The following RTKN2 variants were observed in gnomAD, a reference collection of about 807,000 sequenced individuals.
The protein encoded by RTKN2 is rhotekin 2, also known as rhotekin-2.
RTKN2 carries 69 observed loss-of-function variants against 71.5 expected under a neutral mutation model. The ratio of observed to expected loss-of-function variants is 0.96; its 90% CI spans 0.79 to 1.18. The LOEUF (loss-of-function observed/expected upper bound fraction) is 1.18, where lower values mean the gene tolerates loss of function less well. Ranked by LOEUF, RTKN2 falls within the 50% of genes most tolerant of loss-of-function variation. The pLI is 0.00. For synonymous variants in RTKN2, 236 were observed against 236.5 expected (o/e 1.00, Z 0.02); for missense variants, 724 against 719.7 (o/e 1.01, Z -0.07).
chr10:62,259,896 T>C (rs543582720), intron 2 of RTKN2, among the ~76,000 whole-genome samples: 2 of 152,296 alleles, frequency 1.3e-5, no homozygotes, highest in South Asian at 4.2e-4. Context: ...CCTGCTCACC[T>C]ACCTGGACTC....
At position 62,193,611 on chromosome 10, in the gene RTKN2, A is replaced by C; in HGVS notation, c.*4297T>G. 1 of 985,288 alleles carries C rather than the reference A, an allele frequency of 1.0e-6. No homozygotes were observed. 61.0% of individuals were successfully genotyped at this position (985,288 alleles called of 1,614,324 possible). ...TAATCCAACTGAGCCAGGATTGCTC[A>C]TTTCTCTCCCCCACTCTGAGGCGCT... On this transcript the variant is annotated 3_prime_UTR_variant, in exon 12 of 12. Coordinates refer to ENST00000373789, the MANE Select transcript of RTKN2 (RefSeq NM_145307.4).
chr10:62,189,058 CT>C (rs34303718), downstream of RTKN2, among the ~76,000 whole-genome samples: 11,286 of 135,546 alleles, frequency 0.083, 546 homozygotes, highest in South Asian at 0.26. Flanking sequence ...ATATTTCCTA[CT>C]TTTTTTTTTT....
chr10:62,228,429 C>T (rs1842076542), intron 6 of RTKN2, among the ~76,000 whole-genome samples: 1 of 152,092 alleles, frequency 6.6e-6, no homozygotes, highest in South Asian at 2.1e-4. Flanking sequence ...CACTGTTGAC[C>T]TTGACGAGAC....
chr10:62,227,034 C>T (rs1457617560), intron 6 of RTKN2, among the ~76,000 whole-genome samples: 1 of 152,102 alleles, frequency 6.6e-6, no homozygotes, highest in Non-Finnish European at 1.5e-5. Flanking sequence ...GGGAAGTAGA[C>T]TCACTGTGAG....
chr10:62,212,119 T>C (rs895028769), intron 9 of RTKN2, among the ~76,000 whole-genome samples: 16 of 150,230 alleles, frequency 1.1e-4, no homozygotes, highest in African/African-American at 3.9e-4. Context: ...AAAAAATATA[T>C]ATATATGGGG....
chr10:62,235,375 T>G (rs1328729407), intron 6 of RTKN2, among the ~76,000 whole-genome samples: 1 of 152,160 alleles, frequency 6.6e-6, no homozygotes, highest in Non-Finnish European at 1.5e-5. Context: ...ATGACATACA[T>G]ACAGCAATTT....
At chr10:62,244,890 T>C (rs1842448582) in intron 3 of RTKN2, among the ~76,000 whole-genome samples, 1 of 152,194 alleles carries the variant, frequency 6.6e-6, no homozygotes, top group Non-Finnish European at 1.5e-5. Context: ...TCTACCGTCC[T>C]GTGTGATAAT....
In RTKN2 at chr10:62,193,191, G is replaced by C; in HGVS notation, c.*4717C>G. 2.4e-6 allele frequency: 2 copies of C among 842,486 alleles called. No homozygotes were observed. Among genetic ancestry groups the C allele is most frequent in the Non-Finnish European group, 2.9e-6 (2 of 699,876 alleles). 52.2% of individuals were successfully genotyped at this position (842,486 alleles called of 1,614,324 possible). Reference sequence around the variant, plus strand: ...ATATTTTTAAGCAAGACACCAAAAAGTATTCATTTTCAACAAAACAATTTA... The same window carrying C: ...ATATTTTTAAGCAAGACACCAAAAACTATTCATTTTCAACAAAACAATTTA... On this transcript the variant is annotated 3_prime_UTR_variant, in exon 12 of 12. Coordinates refer to ENST00000373789, the MANE Select transcript of RTKN2 (RefSeq NM_145307.4).
chr10:62,227,415 A>G (rs1842050800), intron 6 of RTKN2, among the ~76,000 whole-genome samples: 1 of 152,154 alleles, frequency 6.6e-6, no homozygotes, highest in South Asian at 2.1e-4. Context: ...CAGAAGGAAG[A>G]GTATTTCAGG....
At chr10:62,211,093 A>G (rs2132854635) in intron 9 of RTKN2, among the ~76,000 whole-genome samples, 1 of 152,318 alleles carries the variant, frequency 6.6e-6, no homozygotes, top group South Asian at 2.1e-4. Flanking sequence ...CTTGATCTCA[A>G]AGACTCACAC....
At chr10:62,247,665 GTTCAA>G (rs1288571099) in intron 2 of RTKN2, among the ~76,000 whole-genome samples, 2 of 151,988 alleles carry the variant, frequency 1.3e-5, no homozygotes, top group Middle Eastern at 3.4e-3. Flanking sequence ...AGAATAAAAA[GTTCAA>G]TTCAACAGTT....
At chr10:62,253,304 G>A (rs866673775) in intron 2 of RTKN2, among the ~76,000 whole-genome samples, 4 of 152,096 alleles carry the variant, frequency 2.6e-5, no homozygotes, top group African/African-American at 7.2e-5. Flanking sequence ...TGAATATATC[G>A]CAAGTACCGA....
intron 7 of RTKN2, among the ~76,000 whole-genome samples, chr10:62,221,070 T>C (rs1286308888): frequency 1.3e-5 from 2 of 150,006 alleles, no homozygotes; most frequent in African/African-American, 4.9e-5. Context: ...ATGCAAGGCA[T>C]AAGATACAAG....
intron 2 of RTKN2, among the ~76,000 whole-genome samples, chr10:62,260,518 A>C (rs901717714): frequency 7.1e-5 from 10 of 141,088 alleles, no homozygotes; most frequent in Non-Finnish European, 1.1e-4. Context: ...TTTTTACATG[A>C]ATGATGAACA....
chr10:62,242,745 T>A (rs1303972598), intron 3 of RTKN2, among the ~76,000 whole-genome samples: 1 of 151,936 alleles, frequency 6.6e-6, no homozygotes, highest in Non-Finnish European at 1.5e-5. Flanking sequence ...TTCTCCTGCC[T>A]CAGCCTCTGG....
intron 3 of RTKN2, among the ~76,000 whole-genome samples, chr10:62,245,770 A>G (rs1842466859): frequency 6.6e-6 from 1 of 152,138 alleles, no homozygotes; most frequent in Admixed American, 6.6e-5. Flanking sequence ...ACAAGACTGC[A>G]CTAGGGAGAA....
intron 1 of RTKN2, among the ~76,000 whole-genome samples, chr10:62,264,071 C>CA (rs900281326): frequency 2.0e-5 from 3 of 151,786 alleles, no homozygotes; most frequent in Admixed American, 6.6e-5. Context: ...GTTTCTATGG[C>CA]AAAAAAATAA....
intron 2 of RTKN2, among the ~76,000 whole-genome samples, chr10:62,258,942 G>GA (rs1221725208): frequency 1.3e-5 from 2 of 152,148 alleles, no homozygotes; most frequent in Non-Finnish European, 2.9e-5. Flanking sequence ...TATCCTTAAA[G>GA]AGTTACAGCC....
intron 2 of RTKN2, among the ~76,000 whole-genome samples, chr10:62,249,820 T>C (rs1414112426): frequency 6.6e-6 from 1 of 152,226 alleles, no homozygotes; most frequent in Non-Finnish European, 1.5e-5. Context: ...AGGATTACTT[T>C]CTGAGTATTT....
Sources: gnomAD v4.1 joint callset for allele counts (sites outside exome capture counted in the v4.1 genomes callset) on GRCh38, gnomAD v4.1.1 for gene constraint, MANE v1.5 for transcripts, NCBI Gene and HGNC (gene_info 2026-07-23, HGNC 2026-07-21) for gene names.